MARCO: variants seen among roughly 807,000 people sequenced by gnomAD.
MARCO encodes the protein macrophage receptor with collagenous structure.
A neutral mutation model predicts 70.0 loss-of-function variants in MARCO; 72 were observed. The ratio of observed to expected loss-of-function variants is 1.03; its 90% confidence interval spans 0.85 to 1.25. The LOEUF (loss-of-function observed/expected upper bound fraction) is 1.25, where lower values mean the gene tolerates loss of function less well. Ranked by LOEUF, MARCO falls within the 50% of genes most tolerant of loss-of-function variation. The pLI is 0.00. For synonymous variants in MARCO, 273 were observed against 243.1 expected, an observed-to-expected ratio of 1.12 and a Z score of -1.14; for missense variants, 696 against 659.3, an observed-to-expected ratio of 1.06 and a Z score of -0.61.
At chr2:118,947,438 G>A (rs1423853303) in intron 1 of MARCO, among the ~76,000 whole-genome samples, 1 of 152,134 alleles carries the variant, frequency 6.6e-6, no homozygotes, top group Non-Finnish European at 1.5e-5. Flanking sequence ...AGCCTCCCAA[G>A]TAGCTGGGAC....
At chr2:118,953,885 G>A (rs1679775622) in intron 1 of MARCO, among the ~76,000 whole-genome samples, 1 of 152,186 alleles carries the variant, frequency 6.6e-6, no homozygotes, top group Admixed American at 6.5e-5. Context: ...GTGAAATACA[G>A]GGGTGGGGGA....
intron 1 of MARCO, among the ~76,000 whole-genome samples, chr2:118,945,955 G>A (rs763557688): frequency 5.3e-5 from 8 of 152,218 alleles, no homozygotes; most frequent in South Asian, 2.1e-4. Context: ...CCTCAAGTCC[G>A]TTCAGGCTCA....
chr2:118,958,040 CATA>C (rs1244231757), intron 1 of MARCO, among the ~76,000 whole-genome samples: 1 of 151,944 alleles, frequency 6.6e-6, no homozygotes, highest in Non-Finnish European at 1.5e-5. Flanking sequence ...CCACAGACAA[CATA>C]ATACTGAATG....
chr2:118,977,579 C>CCCCCCCCCCCCCCCCCCTT, intron 7 of MARCO, 64 bp downstream of exon 7: 1 of 1,407,680 alleles, frequency 7.1e-7, no homozygotes. Context: ...GGCAGTTCCC[C>CCCCCCCCCCCCCCCCCCTT]CCCACCCCCC....
At chr2:118,981,551 C>CA (rs752363038) in intron 9 of MARCO, 44 bp downstream of exon 9, 97 of 1,449,002 alleles carry the variant, frequency 6.7e-5, no homozygotes, top group South Asian at 1.7e-4. Flanking sequence ...TAGGTATTTC[C>CA]TTTTTTTTTT....
intron 1 of MARCO, among the ~76,000 whole-genome samples, chr2:118,959,653 A>T (rs1679905385): frequency 6.6e-6 from 1 of 152,228 alleles, no homozygotes; most frequent in Non-Finnish European, 1.5e-5. Flanking sequence ...CCAGAGGAAA[A>T]GAAGTCACTG....
At chr2:118,980,396 C>A (rs1417891592) in intron 8 of MARCO, among the ~76,000 whole-genome samples, 1 of 152,174 alleles carries the variant, frequency 6.6e-6, no homozygotes, top group Admixed American at 6.5e-5. Flanking sequence ...GAGCCTCATA[C>A]CTCGTGAATT....
intron 6 of MARCO, 144 bp from the exon 7 acceptor site, chr2:118,977,327 A>T (rs1573398096): frequency 1.4e-6 from 1 of 698,502 alleles, no homozygotes; most frequent in Non-Finnish European, 2.6e-6. Context: ...AAAGAGAGAG[A>T]GAGAGAGAGT....
At chr2:118,945,173 C>T (rs1279847312) in intron 1 of MARCO, among the ~76,000 whole-genome samples, 1 of 152,066 alleles carries the variant, frequency 6.6e-6, no homozygotes, top group Admixed American at 6.6e-5. Context: ...CCCCATCATC[C>T]ACCTCAACAA....
chr2:118,982,378 C>A lies in MARCO; in HGVS notation c.1031C>A (p.Ala344Asp). Residue 344 changes from alanine (A) to aspartate (D), a missense_variant, in exon 12 of 17, where the codon GCC (alanine) becomes GAC (aspartate). Ala to Asp is a moderately radical substitution (Grantham distance 126). Around this residue, in one of 3 missense-constraint regions of MARCO, gnomAD observed 605 missense variants for 537.6 expected, o/e 1.13. Transcript: ENST00000327097. Reference protein sequence around the residue: ...GLPGSPGSPGATGLKGSKGDT... With the variant: ...GLPGSPGSPGDTGLKGSKGDT... ...CCAGGGAGCCCCGGGAGTCCAGGAG[C>A]CACAGGCCTGAAAGGAAGCAAAGGG... 6.2e-7 allele frequency: 1 copy of A among 1,613,904 alleles called. No homozygotes were observed. The highest frequency in any genetic ancestry group is 8.5e-7 in the Non-Finnish European group (1 of 1,179,916).
intron 2 of MARCO, 23 bp downstream of exon 2, chr2:118,969,284 T>C: frequency 6.3e-7 from 1 of 1,599,418 alleles, no homozygotes; most frequent in Non-Finnish European, 8.6e-7. Context: ...TGGTCCTGTG[T>C]AGTCCCTCCT....
chr2:118,986,447 G>T (rs1680484165), intron 12 of MARCO, among the ~76,000 whole-genome samples: 1 of 150,314 alleles, frequency 6.7e-6, no homozygotes, highest in African/African-American at 2.4e-5. Flanking sequence ...TTGAGCCAAA[G>T]AATTTGAGCC....
At chr2:118,988,055 T>C (rs1680549049) in intron 12 of MARCO, among the ~76,000 whole-genome samples, 2 of 152,216 alleles carry the variant, frequency 1.3e-5, no homozygotes, top group Admixed American at 1.3e-4. Context: ...CATCTCTGAG[T>C]GTGTACTTTC....
chr2:118,990,714 T>A lies in MARCO; in HGVS notation c.1108+81T>A, dbSNP rs1203828616. The A allele has an allele frequency of 1.8e-5, 24 of 1,363,114 alleles. No individual in the cohort carries two copies. The East Asian group carries it at 2.3e-4, about 13-fold the overall frequency. 84.4% of individuals were successfully genotyped at this position (1,363,114 alleles called of 1,614,324 possible). On this transcript the variant is annotated intron_variant, in intron 13 of 16. Coordinates refer to ENST00000327097, the MANE Select transcript of MARCO (RefSeq NM_006770.4). ...TCTCAGAGGGCAGGTCTTGTTGACATTGAATGCACAGCTGTGACCTTCTCC... is the reference window on the plus strand; with the variant it reads ...TCTCAGAGGGCAGGTCTTGTTGACAATGAATGCACAGCTGTGACCTTCTCC...
chr2:118,968,821 A>T (rs890000097), intron 1 of MARCO, among the ~76,000 whole-genome samples: 1 of 152,212 alleles, frequency 6.6e-6, no homozygotes, highest in Non-Finnish European at 1.5e-5. Flanking sequence ...TTAATTCATA[A>T]TTTATTCCAC....
chr2:118,958,384 C>T (rs1309393750), intron 1 of MARCO, among the ~76,000 whole-genome samples: 1 of 148,588 alleles, frequency 6.7e-6, no homozygotes, highest in Non-Finnish European at 1.5e-5. Flanking sequence ...AAATCAGGAA[C>T]TCAATCACTT....
intron 8 of MARCO, among the ~76,000 whole-genome samples, chr2:118,980,208 C>T (rs1680362857): frequency 1.3e-5 from 2 of 152,192 alleles, no homozygotes; most frequent in South Asian, 2.1e-4. Context: ...TAACAGGTGC[C>T]GTTGGCCCCT....
chr2:118,951,948 T>G (rs1395144078), intron 1 of MARCO, among the ~76,000 whole-genome samples: 1 of 151,976 alleles, frequency 6.6e-6, no homozygotes, highest in Non-Finnish European at 1.5e-5. Flanking sequence ...TCTCTTTCTC[T>G]CCCTTATTTC....
intron 1 of MARCO, among the ~76,000 whole-genome samples, chr2:118,961,542 C>T (rs78327716): frequency 3.3e-5 from 5 of 151,960 alleles, no homozygotes; most frequent in Non-Finnish European, 7.4e-5. Flanking sequence ...TGTTCATGTC[C>T]CTTATTCACT....
Sources: allele counts gnomAD v4.1 joint callset (sites outside exome capture counted in the v4.1 genomes callset), GRCh38; gene constraint gnomAD v4.1.1; regional missense constraint gnomAD v4.1.1; transcripts MANE v1.5; gene names NCBI Gene and HGNC (gene_info 2026-07-23, HGNC 2026-07-21).